The following PRKG1 variants were observed in gnomAD, a reference collection of about 807,000 sequenced individuals.
PRKG1 encodes the protein cGMP-dependent protein kinase 1.
PRKG1 carries 35 observed loss-of-function variants against 88.1 expected under a neutral mutation model. The ratio of observed to expected loss-of-function variants is 0.40; its 90% confidence interval spans 0.30 to 0.53. The LOEUF is 0.53. PRKG1 is among the 20% of genes least tolerant of loss of function. The pLI is 0.59. For synonymous variants in PRKG1, 303 were observed against 292.5 expected (o/e 1.04, Z -0.37); for missense variants, 540 against 839.8 (o/e 0.64, Z 4.41).
At chr10:51,730,109 C>A (rs918308952) in intron 3 of PRKG1, among the ~76,000 whole-genome samples, 1 of 152,120 alleles carries the variant, frequency 6.6e-6, no homozygotes, top group South Asian at 2.1e-4. Context: ...AAAAAGAACT[C>A]CCTTGTGGTG....
At chr10:51,822,174 TTA>T (rs1303036436) in intron 4 of PRKG1, among the ~76,000 whole-genome samples, 3 of 152,090 alleles carry the variant, frequency 2.0e-5, no homozygotes, top group Admixed American at 6.5e-5. Flanking sequence ...CATATGTCAT[TTA>T]TGTGTGTGTA....
intron 1 of PRKG1, among the ~76,000 whole-genome samples, chr10:51,151,866 A>C (rs908099697): frequency 1.3e-5 from 2 of 152,062 alleles, no homozygotes; most frequent in Non-Finnish European, 2.9e-5. Flanking sequence ...AGCCTCCCAG[A>C]AATGGGGAGG....
chr10:51,279,576 A>G lies in PRKG1; in HGVS notation c.478+126246A>G, dbSNP rs562575851. ...CTGGGTGCCCCTGTATTGGGTGCAT[A>G]TATATTTAGGATAGTTAGCTCTTCT... On this transcript the variant is annotated intron_variant, in intron 2 of 17. Transcript: ENST00000373980. Among the ~76,000 whole-genome samples the G allele has an allele frequency of 4.9e-4, 74 of 152,238 alleles. 1 individual carries two copies. The highest frequency in any genetic ancestry group is 3.5e-3 in the South Asian group (17 of 4,828).
At chr10:52,151,358 T>C (rs1837910716) in intron 8 of PRKG1, among the ~76,000 whole-genome samples, 1 of 152,162 alleles carries the variant, frequency 6.6e-6, no homozygotes, top group African/African-American at 2.4e-5. Context: ...GAGAAAAAAT[T>C]CACATTTGCT....
In PRKG1 at chr10:50,993,958, A is replaced by G. The variant is rs529411207; in HGVS notation, c.266+2314A>G. ...CATGTTAGGGGTAGGAACATTCATCATGAGTGGATCATGCGCAGTAGCCGT... is the reference window on the plus strand; with the variant it reads ...CATGTTAGGGGTAGGAACATTCATCGTGAGTGGATCATGCGCAGTAGCCGT... On this transcript the variant is annotated intron_variant, in intron 1 of 17. Transcript: ENST00000401604. Among the ~76,000 whole-genome samples the G allele has an allele frequency of 4.4e-4, 67 of 152,272 alleles. 1 individual carries two copies. The highest frequency in any genetic ancestry group is 1.6e-3 in the African/African-American group (66 of 41,554).
chr10:51,354,537 T>C (rs1842324105), intron 2 of PRKG1, among the ~76,000 whole-genome samples: 1 of 152,118 alleles, frequency 6.6e-6, no homozygotes. Context: ...CATATAAAAC[T>C]TCCATATATA....
chr10:51,491,967 C>T (rs1041842428), intron 3 of PRKG1, among the ~76,000 whole-genome samples: 2 of 152,128 alleles, frequency 1.3e-5, no homozygotes, highest in African/African-American at 2.4e-5. Context: ...CGATGGTTTT[C>T]TTGAGGAAAG....
intron 2 of PRKG1, among the ~76,000 whole-genome samples, chr10:51,417,953 G>A (rs1324708412): frequency 6.6e-6 from 1 of 152,130 alleles, no homozygotes; most frequent in Non-Finnish European, 1.5e-5. Flanking sequence ...AAAGCCCTAT[G>A]GGAGACACAT....
At chr10:51,171,025 T>C (rs1366422498) in intron 2 of PRKG1, among the ~76,000 whole-genome samples, 1 of 152,058 alleles carries the variant, frequency 6.6e-6, no homozygotes, top group Non-Finnish European at 1.5e-5. Context: ...TAATGATGAC[T>C]CGGACTAAGG....
chr10:51,114,958 A>G (rs9414819), intron 1 of PRKG1, among the ~76,000 whole-genome samples: 76,405 of 151,904 alleles, frequency 0.5, 20,526 homozygotes, highest in East Asian at 0.71. Context: ...GGCTTATCCA[A>G]TGAGTATTTA....
chr10:51,502,151 G>C (rs569566483), intron 3 of PRKG1, among the ~76,000 whole-genome samples: 2 of 152,238 alleles, frequency 1.3e-5, no homozygotes, highest in Admixed American at 6.6e-5. Flanking sequence ...CTCTATCCAG[G>C]CCTGAGGTCA....
chr10:51,213,302 A>T (rs529208020), intron 2 of PRKG1, among the ~76,000 whole-genome samples: 13 of 142,724 alleles, frequency 9.1e-5, no homozygotes, highest in Non-Finnish European at 1.5e-4. Flanking sequence ...AACATCACAC[A>T]CCGGGGACTG....
At chr10:51,519,056 T>C (rs1841667709) in intron 3 of PRKG1, among the ~76,000 whole-genome samples, 1 of 152,228 alleles carries the variant, frequency 6.6e-6, no homozygotes, top group African/African-American at 2.4e-5. Context: ...AAACCAATCT[T>C]CCATTATTAT....
In PRKG1 at chr10:52,027,944, A is replaced by G. The variant is rs1456804475; in HGVS notation, c.763-26540A>G. Among the ~76,000 whole-genome samples the G allele has an allele frequency of 2.0e-5, 3 of 152,188 alleles. No individual in the cohort carries two copies. In the East Asian group the frequency reaches 5.8e-4, roughly 29 times the overall value. ...GCTGGGACTGCAGGTGCCTGCCACC[A>G]CGCCCAGCTAATTTTTGTATTTTCA... On this transcript the variant is annotated intron_variant, in intron 5 of 17. Coordinates refer to ENST00000373980, the MANE Select transcript of PRKG1 (RefSeq NM_006258.4).
At chr10:51,753,827 C>A (rs1837788387) in intron 3 of PRKG1, among the ~76,000 whole-genome samples, 1 of 152,126 alleles carries the variant, frequency 6.6e-6, no homozygotes, top group African/African-American at 2.4e-5. Flanking sequence ...TTTTGTTTAA[C>A]CCTCTGAGTT....
chr10:52,002,519 T>C (rs574688068), intron 5 of PRKG1, among the ~76,000 whole-genome samples: 1 of 152,272 alleles, frequency 6.6e-6, no homozygotes, highest in South Asian at 2.1e-4. Context: ...AATGGCACTG[T>C]GCTGTTGACG....
Position 51,211,267 on chromosome 10 carries a change from G to A in PRKG1, c.478+57937G>A, listed in dbSNP as rs139358681. ...AAGGCCTTTGACAAAATTCAACAAC[G>A]CTTCATGCTAAATACTCTCAATAAA... On this transcript the variant is annotated intron_variant, in intron 2 of 17. Transcript: ENST00000373980. Among the ~76,000 whole-genome samples, 23 of 151,748 alleles carry A rather than the reference G, an allele frequency of 1.5e-4. 1 individual carries two copies. The highest frequency in any genetic ancestry group is 1.2e-3 in the Admixed American group (19 of 15,226).
At chr10:52,045,009 C>A (rs1480521825) in intron 5 of PRKG1, among the ~76,000 whole-genome samples, 1 of 152,134 alleles carries the variant, frequency 6.6e-6, no homozygotes, top group Non-Finnish European at 1.5e-5. Context: ...TCTCAGCCAG[C>A]CTGTTGGCTT....
chr10:52,143,329 C>CG (rs376343231), intron 8 of PRKG1, among the ~76,000 whole-genome samples: 10 of 152,128 alleles, frequency 6.6e-5, no homozygotes, highest in African/African-American at 2.4e-4. Context: ...TTTTGTGTTG[C>CG]GGGGGCGGGG....
Sources: gnomAD v4.1 joint callset for allele counts (sites outside exome capture counted in the v4.1 genomes callset) on GRCh38, gnomAD v4.1.1 for gene constraint, MANE v1.5 for transcripts, NCBI Gene and HGNC (gene_info 2026-07-23, HGNC 2026-07-21) for gene names.